Variants in ANKRD11 observed in about 807,000 individuals in gnomAD.
The protein encoded by ANKRD11 is ankyrin repeat domain 11.
Under a neutral mutation model 195.7 loss-of-function variants are expected in ANKRD11, and 17 were observed. That is an observed-to-expected ratio of 0.09 (90% CI 0.06 to 0.13). ANKRD11 has a LOEUF of 0.13. Among genes scored for constraint, ANKRD11 ranks in the 10% least tolerant of loss-of-function variants. The pLI is 1.00. For missense variants in ANKRD11, 3,735 were observed against 3,566.1 expected, an observed-to-expected ratio of 1.05 and a Z score of -1.21; for synonymous variants, 1,953 against 1,528.1, an observed-to-expected ratio of 1.28 and a Z score of -6.49.
intron 1 of ANKRD11, among the ~76,000 whole-genome samples, chr16:89,427,815 C>A (rs1449755602): frequency 6.6e-6 from 1 of 151,410 alleles, no homozygotes; most frequent in Non-Finnish European, 1.5e-5. Flanking sequence ...GTCTAGTAAT[C>A]GTATGATGCC....
intron 1 of ANKRD11, among the ~76,000 whole-genome samples, chr16:89,442,034 A>G (rs2043530846): frequency 6.6e-6 from 1 of 152,226 alleles, no homozygotes; most frequent in Non-Finnish European, 1.5e-5. Flanking sequence ...AGCTGTGACT[A>G]AGATCCAAGA....
At chr16:89,449,256 C>T (rs1177183727) in intron 1 of ANKRD11, among the ~76,000 whole-genome samples, 2 of 151,404 alleles carry the variant, frequency 1.3e-5, no homozygotes, top group African/African-American at 2.4e-5. Flanking sequence ...GTCCCAACTA[C>T]TTGGAGGCTG....
chr16:89,315,215 G>T (rs1173865624), intron 3 of ANKRD11, among the ~76,000 whole-genome samples: 1 of 152,182 alleles, frequency 6.6e-6, no homozygotes, highest in Non-Finnish European at 1.5e-5. Context: ...TCAAGAGGAT[G>T]GGGGCGAGGC....
intron 2 of ANKRD11, among the ~76,000 whole-genome samples, chr16:89,358,249 C>T (rs2039575413): frequency 6.6e-6 from 1 of 152,258 alleles, no homozygotes; most frequent in African/African-American, 2.4e-5. Context: ...CCGCATGGAG[C>T]TGTGCCGGCT....
chr16:89,399,293 C>G (rs1190788444), intron 2 of ANKRD11, among the ~76,000 whole-genome samples: 2 of 152,166 alleles, frequency 1.3e-5, no homozygotes, highest in African/African-American at 2.4e-5. Flanking sequence ...CCAAGACACT[C>G]ATAGGTGAGT....
intron 2 of ANKRD11, among the ~76,000 whole-genome samples, chr16:89,383,138 C>G (rs3114890): frequency 0.51 from 76,880 of 152,162 alleles, 19,805 homozygotes; most frequent in Middle Eastern, 0.69. Context: ...TGCGGACCCA[C>G]AGCCTAAGGC....
At chr16:89,349,434 C>T (rs1009917218) in intron 2 of ANKRD11, among the ~76,000 whole-genome samples, 2 of 151,054 alleles carry the variant, frequency 1.3e-5, no homozygotes, top group African/African-American at 4.9e-5. Flanking sequence ...GAGCTGAGAT[C>T]GCGCCACTGC....
intron 1 of ANKRD11, among the ~76,000 whole-genome samples, chr16:89,424,223 C>T (rs1233537256): frequency 6.6e-6 from 1 of 152,124 alleles, no homozygotes; most frequent in African/African-American, 2.4e-5. Flanking sequence ...AGGCAGATCA[C>T]CTGAGGTTGG....
intron 1 of ANKRD11, among the ~76,000 whole-genome samples, chr16:89,424,527 G>C (rs975751251): frequency 1.3e-5 from 2 of 152,012 alleles, no homozygotes; most frequent in African/African-American, 4.8e-5. Flanking sequence ...GTGGACGGGT[G>C]AATGTGTGTT....
rs748867889 is a variant in ANKRD11 at position 89,275,207 on chromosome 16, G to T, written c.7471-16C>A. Reference sequence around the variant, plus strand: ...GGGGTGCGATCTACAGGCAAAAGGTGAGTGTGGGGGGTCAGCTGGGGCTGT... The same window carrying T: ...GGGGTGCGATCTACAGGCAAAAGGTTAGTGTGGGGGGTCAGCTGGGGCTGT... On this transcript the variant is annotated splice_polypyrimidine_tract_variant and intron_variant, in intron 9 of 12. Coordinates refer to ENST00000301030, the MANE Select transcript of ANKRD11 (RefSeq NM_013275.6). 1 of 1,593,794 alleles carries T rather than the reference G, an allele frequency of 6.3e-7. No homozygotes were observed. Among genetic ancestry groups the T allele is most frequent in the South Asian group, 1.1e-5 (1 of 88,754 alleles).
At chr16:89,302,586 T>C (rs878893204) in intron 4 of ANKRD11, among the ~76,000 whole-genome samples, 14 of 152,152 alleles carry the variant, frequency 9.2e-5, no homozygotes, top group Admixed American at 9.2e-4. Context: ...CTGGTTAAAA[T>C]GCAAGCTTCT....
In ANKRD11 at chr16:89,281,467, G is replaced by T; in HGVS notation, c.5075C>A (p.Ser1692Tyr). ...GGGCCGGCTCTGGTCAGGCCTGGGG[G>T]ACGCAGGCAGGACCTCTTTCATGTG... ...GPHMKEVLPA[S>Y]PRPDQSRPTG... The change falls in exon 9 of 13, where the codon TCC becomes TAC. Residue 1692 changes from serine (S) to tyrosine (Y), a missense_variant. Coordinates refer to ENST00000301030, the MANE Select transcript of ANKRD11 (RefSeq NM_013275.6). The surrounding 1 kb of genome is among the most constrained non-coding windows in gnomAD (Gnocchi z 5.5). The T allele has an allele frequency of 1.2e-6, 2 of 1,614,158 alleles. No homozygotes were observed. Among genetic ancestry groups the T allele is most frequent in the Non-Finnish European group, 1.7e-6 (2 of 1,179,982 alleles).
In ANKRD11 at chr16:89,283,555, C is replaced by A. The variant is rs1205687342; in HGVS notation, c.2987G>T (p.Gly996Val). The A allele has an allele frequency of 1.9e-6, 3 of 1,612,256 alleles. No homozygotes were observed. The highest frequency in any genetic ancestry group is 1.1e-5 in the South Asian group (1 of 91,080). Residue 996 changes from glycine to valine, a missense_variant, in exon 9 of 13, where the codon GGC becomes GTC. Physicochemically the swap from Gly to Val is moderately radical, Grantham distance 109. Coordinates refer to ENST00000301030, the MANE Select transcript of ANKRD11 (RefSeq NM_013275.6). This position sits in a 1 kb window ranked among gnomAD's most constrained non-coding sequence, Gnocchi z 4.3. ...GTGGTGCCGTTCCCACGGCTCCAGG[C>A]CCTTCCCAAAGTCGCCGTCGGACTT... is the stretch of plus-strand genomic sequence containing the variant. ...KDKSDGDFGK[G>V]LEPWERHHPA...
At chr16:89,398,890 C>T (rs1022867467) in intron 2 of ANKRD11, among the ~76,000 whole-genome samples, 4 of 152,190 alleles carry the variant, frequency 2.6e-5, no homozygotes, top group Non-Finnish European at 5.9e-5. Flanking sequence ...CATGGCTCAG[C>T]TGGCTGTGCA....
intron 1 of ANKRD11, among the ~76,000 whole-genome samples, chr16:89,474,221 C>A (rs1042286480): frequency 6.6e-6 from 1 of 152,296 alleles, no homozygotes; most frequent in East Asian, 1.9e-4. Flanking sequence ...CCGGATGAAA[C>A]CCTGAGCAGA....
At position 89,282,322 on chromosome 16, in the gene ANKRD11, T is replaced by C. The variant is rs775733305; in HGVS notation, c.4220A>G (p.Asn1407Ser). Residue 1407 changes from asparagine to serine, a missense_variant, in exon 9 of 13, where the codon AAC becomes AGC. Coordinates refer to ENST00000301030, the MANE Select transcript of ANKRD11 (RefSeq NM_013275.6). The stretch of plus-strand genomic sequence containing the variant: ...CTCATCTTCTATGTCAGCTTTCATG[T>C]TGTAAGAAACTCCGTAAGCATCCGC... The part of the protein sequence containing the change: ...LEADAYGVSY[N>S]MKADIEDELD... The C allele has an allele frequency of 5.6e-6, 9 of 1,614,216 alleles. No individual in the cohort carries two copies. Among genetic ancestry groups the C allele is most frequent in the Middle Eastern group, 1.6e-4 (1 of 6,062 alleles).
intron 3 of ANKRD11, among the ~76,000 whole-genome samples, chr16:89,310,607 T>C (rs962182334): frequency 6.6e-6 from 1 of 152,196 alleles, no homozygotes; most frequent in Non-Finnish European, 1.5e-5. Flanking sequence ...TTTCTGAATT[T>C]CTCTCAGTTC....
intron 1 of ANKRD11, among the ~76,000 whole-genome samples, chr16:89,466,944 T>G (rs897377864): frequency 3.9e-5 from 6 of 152,244 alleles, no homozygotes; most frequent in Non-Finnish European, 7.3e-5. Context: ...CTGGTCTTCC[T>G]GGTGACCACC....
At chr16:89,316,808 G>T in intron 3 of ANKRD11, 125 bp downstream of exon 3, 3 of 1,182,326 alleles carry the variant, frequency 2.5e-6, no homozygotes, top group Non-Finnish European at 3.7e-6. Flanking sequence ...ACTCCTGGCT[G>T]CAGACAGAGG....
Sources: gnomAD v4.1 joint callset for allele counts (sites outside exome capture counted in the v4.1 genomes callset) on GRCh38, gnomAD v4.1.1 for gene constraint, Gnocchi (gnomAD v3.1) non-coding constraint, MANE v1.5 for transcripts, NCBI Gene and HGNC (gene_info 2026-07-23, HGNC 2026-07-21) for gene names.